ADAM22: variants seen among roughly 807,000 people sequenced by gnomAD.
The protein encoded by ADAM22 is ADAM metallopeptidase domain 22.
In ADAM22, 65 loss-of-function variants were observed where a neutral mutation model predicts 144.6. That is an observed-to-expected ratio of 0.45 (90% CI 0.37 to 0.55). The LOEUF (loss-of-function observed/expected upper bound fraction) is 0.55. Ranked by LOEUF, ADAM22 falls within the 20% of genes least tolerant of loss-of-function variation. ADAM22 has a pLI of 0.00. For synonymous variants in ADAM22, 391 were observed against 412.6 expected, an observed-to-expected ratio of 0.95 and a Z score of 0.63; for missense variants, 974 against 1,184.9, an observed-to-expected ratio of 0.82 and a Z score of 2.61.
chr7:88,125,639 C>G lies in ADAM22; in HGVS notation c.658C>G (p.Pro220Ala). The stretch of plus-strand genomic sequence containing the variant: ...ATCAAAATTTATTTTGAAGCCAAGA[C>G]CAAAAAGGAGTAAACGGCAGGTATG... ...TPSKFILKPRPKRSKRQLRRY... is the reference protein window; with the variant it reads ...TPSKFILKPRAKRSKRQLRRY... The change falls in exon 8 of 32, where the codon CCA becomes GCA. Residue 220 changes from proline to alanine, a missense_variant. This residue lies in a region of ADAM22 where 734 missense variants were observed against 950.6 expected (regional missense o/e 0.77). Transcript: ENST00000413139. 6.3e-7 allele frequency: 1 copy of G among 1,589,088 alleles called. No individual in the cohort carries two copies. The highest frequency in any genetic ancestry group is 8.5e-7 in the Non-Finnish European group (1 of 1,169,940).
chr7:88,173,025 A>C (rs1844739592), intron 26 of ADAM22, among the ~76,000 whole-genome samples: 1 of 152,050 alleles, frequency 6.6e-6, no homozygotes, highest in African/African-American at 2.4e-5. Context: ...TGAATATATG[A>C]AAATGAAAGT....
chr7:87,962,211 T>C (rs1848148966), intron 2 of ADAM22, among the ~76,000 whole-genome samples: 1 of 152,234 alleles, frequency 6.6e-6, no homozygotes, highest in African/African-American at 2.4e-5. Flanking sequence ...GTAAAGTAGT[T>C]AAACTATGTG....
intron 4 of ADAM22, among the ~76,000 whole-genome samples, chr7:88,083,561 CT>C (rs955714410): frequency 6.1e-5 from 9 of 147,554 alleles, no homozygotes; most frequent in South Asian, 2.2e-4. Context: ...CTTTGACTAT[CT>C]TTTTTTTCTC....
intron 3 of ADAM22, among the ~76,000 whole-genome samples, chr7:87,999,616 C>G (rs1037144721): frequency 6.6e-6 from 1 of 152,108 alleles, no homozygotes; most frequent in African/African-American, 2.4e-5. Context: ...TTACAAGTAC[C>G]TTTTGAAATA....
intron 3 of ADAM22, among the ~76,000 whole-genome samples, chr7:88,051,942 G>A (rs975138131): frequency 2.0e-5 from 3 of 152,036 alleles, no homozygotes; most frequent in African/African-American, 4.8e-5. Flanking sequence ...CCTTTCAACA[G>A]GGCATCCTTA....
intron 27 of ADAM22, among the ~76,000 whole-genome samples, chr7:88,179,762 A>T (rs1392033877): frequency 6.6e-6 from 1 of 152,160 alleles, no homozygotes. Flanking sequence ...TAACTGCTTA[A>T]TAAAATAAAT....
chr7:88,189,295 G>A (rs895168967), intron 30 of ADAM22, among the ~76,000 whole-genome samples: 2 of 152,082 alleles, frequency 1.3e-5, no homozygotes, highest in East Asian at 1.9e-4. Context: ...CCTTACTCTC[G>A]GGTATTATCC....
At chr7:88,037,929 A>T (rs1187233599) in intron 3 of ADAM22, among the ~76,000 whole-genome samples, 1 of 152,220 alleles carries the variant, frequency 6.6e-6, no homozygotes, top group Non-Finnish European at 1.5e-5. Context: ...GTACAGCTTG[A>T]TAAACCAAAG....
chr7:87,974,318 AG>A (rs1334661620), intron 2 of ADAM22, among the ~76,000 whole-genome samples: 3 of 146,016 alleles, frequency 2.1e-5, no homozygotes. Flanking sequence ...AAAAAAAAAA[AG>A]AAAAAAAATA....
chr7:87,935,296 T>C, intron 2 of ADAM22, 110 bp downstream of exon 2: 1 of 1,278,752 alleles, frequency 7.8e-7, no homozygotes, highest in Non-Finnish European at 1.0e-6. Context: ...GTGAAATGAG[T>C]TGGGTCCCGA....
At chr7:88,003,581 T>C (rs577252389) in intron 3 of ADAM22, among the ~76,000 whole-genome samples, 2 of 152,346 alleles carry the variant, frequency 1.3e-5, no homozygotes, top group East Asian at 1.9e-4. Flanking sequence ...AAGAAAGATA[T>C]TGTGAAATAT....
intron 2 of ADAM22, among the ~76,000 whole-genome samples, chr7:87,946,941 T>C (rs1027642589): frequency 6.6e-6 from 1 of 152,062 alleles, no homozygotes; most frequent in African/African-American, 2.4e-5. Flanking sequence ...ATTAAGTGAA[T>C]TAATACAGGA....
intron 7 of ADAM22, among the ~76,000 whole-genome samples, chr7:88,122,376 T>A (rs978790735): frequency 6.6e-6 from 1 of 152,156 alleles, no homozygotes; most frequent in African/African-American, 2.4e-5. Flanking sequence ...TGGAAGCAAG[T>A]TACAGGTTTT....
At chr7:88,168,326 T>TTCA in intron 25 of ADAM22, 99 bp downstream of exon 25, 2 of 1,214,714 alleles carry the variant, frequency 1.6e-6, no homozygotes, top group Non-Finnish European at 2.4e-6. Context: ...TGGTTGAATA[T>TTCA]ACTTGCAATG....
intron 4 of ADAM22, among the ~76,000 whole-genome samples, chr7:88,078,372 A>G (rs901300735): frequency 3.3e-5 from 5 of 152,362 alleles, no homozygotes; most frequent in African/African-American, 4.8e-5. Context: ...AAGACCAAAG[A>G]TAGATAAAAC....
intron 4 of ADAM22, among the ~76,000 whole-genome samples, chr7:88,079,911 C>A (rs1012429808): frequency 6.6e-6 from 1 of 152,232 alleles, no homozygotes; most frequent in South Asian, 2.1e-4. Context: ...GACTTTAACA[C>A]CCCACTGTCA....
intron 2 of ADAM22, among the ~76,000 whole-genome samples, chr7:87,977,270 A>G (rs1852125071): frequency 6.6e-6 from 1 of 152,182 alleles, no homozygotes; most frequent in East Asian, 1.9e-4. Flanking sequence ...CCTTTCACCT[A>G]ATCTCATAGT....
At chr7:87,973,877 G>C (rs576709240) in intron 2 of ADAM22, among the ~76,000 whole-genome samples, 2 of 151,708 alleles carry the variant, frequency 1.3e-5, no homozygotes, top group Non-Finnish European at 2.9e-5. Flanking sequence ...TCATAGGTGG[G>C]AATTGAACAA....
chr7:87,985,212 C>T (rs1489751487), intron 3 of ADAM22, among the ~76,000 whole-genome samples: 1 of 151,136 alleles, frequency 6.6e-6, no homozygotes, highest in Non-Finnish European at 1.5e-5. Flanking sequence ...ACTCGGGAGG[C>T]TGAGGCAAGA....
Sources: allele counts gnomAD v4.1 joint callset (sites outside exome capture counted in the v4.1 genomes callset), GRCh38; gene constraint gnomAD v4.1.1; regional missense constraint gnomAD v4.1.1; transcripts MANE v1.5; gene names NCBI Gene and HGNC (gene_info 2026-07-23, HGNC 2026-07-21).